Variants in PPM1H observed in about 807,000 individuals in gnomAD.
PPM1H encodes the protein protein phosphatase, Mg2+/Mn2+ dependent 1H.
In PPM1H, 27 loss-of-function variants were observed where a neutral mutation model predicts 54.9. The ratio of observed to expected loss-of-function variants is 0.49; its 90% CI spans 0.36 to 0.68. The LOEUF (loss-of-function observed/expected upper bound fraction) is 0.68. Among genes scored for constraint, PPM1H ranks in the 30% least tolerant of loss-of-function variants. The pLI is 0.00. For missense variants in PPM1H, 596 were observed against 667.8 expected (o/e 0.89, Z 1.19); for synonymous variants, 305 against 270.8 (o/e 1.13, Z -1.24).
intron 1 of PPM1H, among the ~76,000 whole-genome samples, chr12:62,869,813 CATA>C: frequency 6.6e-6 from 1 of 152,288 alleles, no homozygotes; most frequent in East Asian, 1.9e-4. Flanking sequence ...TCAAACACAT[CATA>C]ATATTTTTAA....
intron 1 of PPM1H, among the ~76,000 whole-genome samples, chr12:62,920,664 T>C (rs1002421411): frequency 6.6e-6 from 1 of 151,810 alleles, no homozygotes; most frequent in Admixed American, 6.6e-5. Flanking sequence ...AATAGTCCCT[T>C]CTTTATTAAT....
At chr12:62,823,541 T>G (rs1020964193) in intron 2 of PPM1H, among the ~76,000 whole-genome samples, 18 of 152,176 alleles carry the variant, frequency 1.2e-4, no homozygotes, top group Non-Finnish European at 2.2e-4. Context: ...ATCAAAAAGC[T>G]TATCCACCAT....
At chr12:62,681,901 C>G (rs1353750031) in intron 8 of PPM1H, among the ~76,000 whole-genome samples, 2 of 152,168 alleles carry the variant, frequency 1.3e-5, no homozygotes, top group African/African-American at 2.4e-5. Flanking sequence ...TTTATTATGC[C>G]AGGTTTTTTG....
At chr12:62,869,748 C>T (rs1869914222) in intron 1 of PPM1H, among the ~76,000 whole-genome samples, 1 of 152,194 alleles carries the variant, frequency 6.6e-6, no homozygotes, top group Non-Finnish European at 1.5e-5. Flanking sequence ...CTAACCCCTG[C>T]CTCCATCACA....
At chr12:62,881,744 C>G (rs1870402212) in intron 1 of PPM1H, among the ~76,000 whole-genome samples, 2 of 152,186 alleles carry the variant, frequency 1.3e-5, no homozygotes. Flanking sequence ...TCCATCTCTT[C>G]AATAGTTCTC....
At chr12:62,790,533 C>T (rs1328163675) in intron 3 of PPM1H, among the ~76,000 whole-genome samples, 1 of 152,172 alleles carries the variant, frequency 6.6e-6, no homozygotes, top group Non-Finnish European at 1.5e-5. Context: ...GATCATGCCA[C>T]TGTGCTTTAG....
intron 1 of PPM1H, among the ~76,000 whole-genome samples, chr12:62,870,959 G>C (rs758996864): frequency 2.6e-5 from 4 of 152,198 alleles, no homozygotes; most frequent in Non-Finnish European, 4.4e-5. Context: ...TATCACTGGT[G>C]GTGGGAAGGT....
chr12:62,707,093 C>T (rs545757538), intron 6 of PPM1H, among the ~76,000 whole-genome samples: 1 of 152,096 alleles, frequency 6.6e-6, no homozygotes, highest in Non-Finnish European at 1.5e-5. Context: ...GAGGATCAGG[C>T]CTTGGAGATG....
chr12:62,838,001 T>C (rs1219647955), intron 1 of PPM1H, among the ~76,000 whole-genome samples: 1 of 152,214 alleles, frequency 6.6e-6, no homozygotes, highest in Non-Finnish European at 1.5e-5. Context: ...AGTATCCACA[T>C]GGTTCTGAAC....
At chr12:62,799,019 A>G (rs1003781988) in intron 3 of PPM1H, among the ~76,000 whole-genome samples, 4 of 152,140 alleles carry the variant, frequency 2.6e-5, no homozygotes, top group Non-Finnish European at 5.9e-5. Flanking sequence ...TCGGCTCAAT[A>G]TTCTTTTCCC....
At chr12:62,738,551 C>T (rs1004314202) in intron 4 of PPM1H, among the ~76,000 whole-genome samples, 4 of 152,146 alleles carry the variant, frequency 2.6e-5, no homozygotes, top group Non-Finnish European at 4.4e-5. Context: ...CCCAGCGGTG[C>T]CTCCTGTTCC....
At chr12:62,912,692 T>C (rs1358980620) in intron 1 of PPM1H, among the ~76,000 whole-genome samples, 8 of 152,236 alleles carry the variant, frequency 5.3e-5, no homozygotes, top group African/African-American at 1.9e-4. Flanking sequence ...ATTAACTCAC[T>C]ACAGGGCAAT....
intron 6 of PPM1H, among the ~76,000 whole-genome samples, chr12:62,716,262 T>C (rs1480884701): frequency 1.3e-5 from 2 of 152,192 alleles, no homozygotes; most frequent in African/African-American, 4.8e-5. Context: ...TGGATTCATA[T>C]CCCACTTTCT....
At chr12:62,688,983 G>A (rs549396301) in intron 8 of PPM1H, among the ~76,000 whole-genome samples, 10 of 152,156 alleles carry the variant, frequency 6.6e-5, no homozygotes, top group Non-Finnish European at 1.3e-4. Flanking sequence ...GCGACAGAGC[G>A]AGACTTTGTC....
intron 3 of PPM1H, 142 bp downstream of exon 3, chr12:62,801,668 GAATGGA>G: frequency 1.2e-6 from 1 of 835,066 alleles, no homozygotes. Context: ...TTTCTATTGG[GAATGGA>G]AGCCCCATTA....
intron 1 of PPM1H, among the ~76,000 whole-genome samples, chr12:62,887,120 G>A (rs1308553118): frequency 2.0e-5 from 3 of 152,142 alleles, no homozygotes; most frequent in Admixed American, 1.3e-4. Context: ...AAAGAGGGAG[G>A]TGCCATGTTT....
At chr12:62,765,289 TG>T (rs1363881760) in intron 4 of PPM1H, among the ~76,000 whole-genome samples, 2 of 152,144 alleles carry the variant, frequency 1.3e-5, no homozygotes, top group Non-Finnish European at 1.5e-5. Context: ...CTGGGCACAG[TG>T]GGGTGGAGGC....
At chr12:62,815,804 G>C (rs1255047107) in intron 2 of PPM1H, among the ~76,000 whole-genome samples, 2 of 152,174 alleles carry the variant, frequency 1.3e-5, no homozygotes, top group Non-Finnish European at 2.9e-5. Flanking sequence ...AAGGGGCAGA[G>C]GCAGGATTCA....
At chr12:62,649,733 C>T (rs746384672) in intron 9 of PPM1H, among the ~76,000 whole-genome samples, 1 of 152,150 alleles carries the variant, frequency 6.6e-6, no homozygotes, top group Non-Finnish European at 1.5e-5. Context: ...ATGAGCTAGT[C>T]GTTTTTACTT....
Sources: allele counts gnomAD v4.1 joint callset (sites outside exome capture counted in the v4.1 genomes callset), GRCh38; gene constraint gnomAD v4.1.1; transcripts MANE v1.5; gene names NCBI Gene and HGNC (gene_info 2026-07-23, HGNC 2026-07-21).